The following PLOD3 variants were observed in gnomAD, a reference collection of about 807,000 sequenced individuals.
PLOD3 encodes multifunctional procollagen lysine hydroxylase and glycosyltransferase LH3.
Under a neutral mutation model 96.9 loss-of-function variants are expected in PLOD3, and 73 were observed. That is an observed-to-expected ratio of 0.75 (90% CI 0.62 to 0.92). The LOEUF is 0.92. Ranked by LOEUF, PLOD3 falls within the 40% of genes least tolerant of loss-of-function variation. The probability of loss-of-function intolerance (pLI) is 0.00; values close to 1 mark genes in which losing one functional copy is unlikely to be tolerated. For missense variants in PLOD3, 1,004 were observed against 1,004.3 expected (o/e 1.00, Z 0.00); for synonymous variants, 454 against 413.7 (o/e 1.10, Z -1.18).
intron 10 of PLOD3, 94 bp downstream of exon 10, chr7:101,212,159 G>T: frequency 2.0e-6 from 3 of 1,509,850 alleles, no homozygotes; most frequent in Non-Finnish European, 2.7e-6. Context: ...GGGCTGGATG[G>T]GTGACAGGTG....
intron 6 of PLOD3, chr7:101,213,554 T>C (rs1350152476): frequency 3.4e-6 from 1 of 291,252 alleles, no homozygotes; most frequent in Middle Eastern, 1.3e-3. Context: ...TCTCACTCTG[T>C]CACCCAGGCT....
intron 16 of PLOD3, among the ~76,000 whole-genome samples, chr7:101,208,306 T>G (rs75536795): frequency 0.014 from 2,121 of 151,968 alleles, 38 homozygotes; most frequent in East Asian, 0.087. Context: ...CAGCCTGGAG[T>G]TCAATCTTGG....
In PLOD3 at chr7:101,206,185, G is replaced by A; in HGVS notation, c.*96C>T. ...ACGCGGAACATGAACTCAGGAAGTGGGGAGACAGAGAGACCCATCCCCCAA... is the reference window on the plus strand; with the variant it reads ...ACGCGGAACATGAACTCAGGAAGTGAGGAGACAGAGAGACCCATCCCCCAA... On this transcript the variant is annotated 3_prime_UTR_variant, in exon 19 of 19. Transcript: ENST00000223127. 6 of 1,210,598 alleles carry A rather than the reference G, an allele frequency of 5.0e-6. No homozygotes were observed. The Admixed American group carries it at 8.4e-5, about 17-fold the overall frequency. 75.0% of individuals were successfully genotyped at this position (1,210,598 alleles called of 1,614,324 possible).
Position 101,212,349 on chromosome 7 carries a change from G to T in PLOD3, c.1031C>A (p.Ala344Asp). The T allele has an allele frequency of 6.2e-7, 1 of 1,613,860 alleles. No homozygotes were observed. The highest frequency in any genetic ancestry group is 1.1e-5 in the South Asian group (1 of 91,078). Residue 344 changes from alanine to aspartate, a missense_variant, in exon 10 of 19, where the codon GCT becomes GAT. Coordinates refer to ENST00000223127, the MANE Select transcript of PLOD3 (RefSeq NM_001084.5). ...NNEVFHEPHI[A>D]DSWPQLQDHF... Reference sequence around the variant, plus strand: ...GTCCTGGAGCTGCGGCCAGGAGTCAGCGATGTGGGGTTCATGGAAGACCTC... The same window carrying T: ...GTCCTGGAGCTGCGGCCAGGAGTCATCGATGTGGGGTTCATGGAAGACCTC...
At chr7:101,209,973 G>T in intron 15 of PLOD3, 120 bp downstream of exon 15, 2 of 620,534 alleles carry the variant, frequency 3.2e-6, no homozygotes, top group Non-Finnish European at 5.8e-6. Context: ...CATCTTGTCT[G>T]AACAGAAAAC....
chr7:101,206,716 C>T (rs970856668), intron 18 of PLOD3, 63 bp downstream of exon 18: 1 of 1,537,276 alleles, frequency 6.5e-7, no homozygotes, highest in Admixed American at 1.9e-5. Flanking sequence ...CACGCAGGGG[C>T]TCTAGGTGGG....
Position 101,212,675 on chromosome 7 carries a change from G to A in PLOD3, c.880-20C>T. On this transcript the variant is annotated intron_variant, in intron 8 of 18. Coordinates refer to ENST00000223127, the MANE Select transcript of PLOD3 (RefSeq NM_001084.5). Reference sequence around the variant, plus strand: ...GGGAGGCTGGAAGATGCAACACGCAGGGACTCAGAGAGAAGCCCGGACTTC... The same window carrying A: ...GGGAGGCTGGAAGATGCAACACGCAAGGACTCAGAGAGAAGCCCGGACTTC... 6.2e-7 allele frequency: 1 copy of A among 1,613,216 alleles called. No homozygotes were observed. The highest frequency in any genetic ancestry group is 8.5e-7 in the Non-Finnish European group (1 of 1,179,906).
In PLOD3 at chr7:101,210,103, ATT is replaced by A; in HGVS notation, c.1671_1672del (p.Ile558ArgfsTer20). ...GCTGCGTGGGCTCACCTGCTCCACG[ATT>A]CCTTCCCCTTCCAGGGCCCGGCTGT... On this transcript the variant is annotated frameshift_variant, in exon 15 of 19. Transcript: ENST00000223127. LOFTEE classifies it high-confidence loss of function. The A allele has an allele frequency of 6.3e-7, 1 of 1,598,764 alleles. No homozygotes were observed. The highest frequency in any genetic ancestry group is 8.5e-7 in the Non-Finnish European group (1 of 1,172,832).
chr7:101,217,424 A>G lies in PLOD3; in HGVS notation c.-150T>C. The G allele has an allele frequency of 1.5e-6, 1 of 687,112 alleles. No homozygotes were observed. The allele number at this position is 687,112 out of a possible 1,614,324, so 42.6% of individuals were successfully genotyped here. ...AGCTTGGCTGGGGCTACGCCCTGAA[A>G]AAAAGGCGTATCCGGAGGCTACAGA... On this transcript the variant is annotated 5_prime_UTR_variant, in exon 1 of 19. Transcript: ENST00000223127.
rs1798076810 is a variant in PLOD3, at chr7:101,206,100, C to T, written c.*181G>A. ...TGTGGGCGGAGGAGAGAGGCGGGGA[C>T]TCCGGGAGCTTCCTGAGAGGGCCGT... On this transcript the variant is annotated 3_prime_UTR_variant, in exon 19 of 19. Transcript: ENST00000223127. 2 of 712,174 alleles carry T rather than the reference C, an allele frequency of 2.8e-6. No homozygotes were observed. Among genetic ancestry groups the T allele is most frequent in the East Asian group, 2.6e-5 (1 of 38,184 alleles). 44.1% of individuals were successfully genotyped at this position (712,174 alleles called of 1,614,324 possible).
At position 101,216,218 on chromosome 7, in the gene PLOD3, C is replaced by T. The variant is rs891318543; in HGVS notation, c.447G>A (p.Gly149=). The T allele has an allele frequency of 4.3e-6, 7 of 1,613,916 alleles. No individual in the cohort carries two copies. In the African/African-American group the frequency reaches 8.0e-5, roughly 18 times the overall value. Residue 149 remains glycine, a synonymous_variant, in exon 4 of 19, where the codon GGG becomes GGA. Transcript: ENST00000223127. ...SAESFCWPEW[G]LAEQYPEVGT... is the part of the protein sequence containing the mutation. ...CCACCTCAGGGTACTGCTCCGCCAGCCCCCACTCGGGCCAGCAGAAGCTCT... is the reference window on the plus strand; with the variant it reads ...CCACCTCAGGGTACTGCTCCGCCAGTCCCCACTCGGGCCAGCAGAAGCTCT...
chr7:101,217,330 G>GGA lies in PLOD3; in HGVS notation c.-58_-57dup. The GGA allele has an allele frequency of 7.4e-7, 1 of 1,349,908 alleles. No individual in the cohort carries two copies. Among genetic ancestry groups the GGA allele is most frequent in the Non-Finnish European group, 9.5e-7 (1 of 1,050,254 alleles). 83.6% of individuals were successfully genotyped at this position (1,349,908 alleles called of 1,614,324 possible). A position where few individuals can be genotyped will look rare whatever the true frequency, so the allele number is the denominator to read the frequency against. ...ATCCTGGGATCTCCGCTACGCGCCT[G>GGA]GATCCCAGCTCCGGAGGGGAGCTCT... On this transcript the variant is annotated 5_prime_UTR_variant, in exon 1 of 19. Coordinates refer to ENST00000223127, the MANE Select transcript of PLOD3 (RefSeq NM_001084.5).
chr7:101,210,376 C>T lies in PLOD3; in HGVS notation c.1569G>A (p.Thr523=), dbSNP rs767944119. 6.4e-5 allele frequency: 103 copies of T among 1,614,054 alleles called. No individual in the cohort carries two copies. The highest frequency in any genetic ancestry group is 8.3e-5 in the Non-Finnish European group (98 of 1,180,030). ...GCCAGAGGTCGGGGTGCAGGTGCTC[C>T]GTGTCGTATCTGGAAGTGGCCAGGA... The part of the protein sequence containing the change: ...GRLLATSRYD[T]EHLHPDLWQI... Residue 523 remains threonine (T), a synonymous_variant, in exon 14 of 19, where the codon ACG becomes ACA. Transcript: ENST00000223127.
intron 16 of PLOD3, 87 bp from the exon 17 acceptor site, chr7:101,207,811 C>T: frequency 1.4e-6 from 2 of 1,408,330 alleles, no homozygotes; most frequent in South Asian, 1.2e-5. Flanking sequence ...CTCCCGTCCT[C>T]CAGCCTTCAC....
rs1798269773 is a variant in PLOD3 at position 101,216,226 on chromosome 7, C to T, written c.439G>A (p.Glu147Lys). ...GGGTACTGCTCCGCCAGCCCCCACT[C>T]GGGCCAGCAGAAGCTCTCTGCAGAG... ...LFSAESFCWP[E>K]WGLAEQYPEV... The change falls in exon 4 of 19, where the codon GAG becomes AAG. Residue 147 changes from glutamate (E) to lysine (K), a missense_variant. By Grantham distance (56) the Glu-to-Lys change is moderately conservative. This residue lies in a region of PLOD3 where 690 missense variants were observed against 650.2 expected (regional missense o/e 1.06). Coordinates refer to ENST00000223127, the MANE Select transcript of PLOD3 (RefSeq NM_001084.5). 1.9e-6 allele frequency: 3 copies of T among 1,613,902 alleles called. No homozygotes were observed. The highest frequency in any genetic ancestry group is 2.2e-5 in the East Asian group (1 of 44,876).
chr7:101,211,745 C>A, intron 11 of PLOD3, 29 bp from the exon 12 acceptor site: 6 of 1,596,168 alleles, frequency 3.8e-6, no homozygotes, highest in Non-Finnish European at 5.1e-6. Context: ...GAGGGCTGGG[C>A]AGACGGGAGC....
chr7:101,216,956 C>T lies in PLOD3; in HGVS notation c.110-170G>A, dbSNP rs573679687. 5.7e-5 allele frequency: 43 copies of T among 748,140 alleles called. No individual in the cohort carries two copies. The African/African-American group carries it at 6.7e-4, about 12-fold the overall frequency. 46.3% of individuals were successfully genotyped at this position (748,140 alleles called of 1,614,324 possible). On this transcript the variant is annotated intron_variant, in intron 1 of 18. Coordinates refer to ENST00000223127, the MANE Select transcript of PLOD3 (RefSeq NM_001084.5). ...AGGAGGGCAGGGTGGGAGTGGTGCC[C>T]AGGAATTCCGAGTCCCTTTGCATAG...
chr7:101,212,020 C>T, intron 10 of PLOD3, 70 bp from the exon 11 acceptor site: 4 of 1,137,184 alleles, frequency 3.5e-6, no homozygotes, highest in Non-Finnish European at 3.9e-6. Flanking sequence ...CTGGCCCATG[C>T]CCCCAGGAGA....
chr7:101,217,235 G>A lies in PLOD3; in HGVS notation c.40C>T (p.Leu14=), dbSNP rs1258610678. 23 of 1,498,792 alleles carry A rather than the reference G, an allele frequency of 1.5e-5. No homozygotes were observed. Among genetic ancestry groups the A allele is most frequent in the African/African-American group, 2.9e-5 (2 of 69,732 alleles). 92.8% of individuals were successfully genotyped at this position (1,498,792 alleles called of 1,614,324 possible). A position where few individuals can be genotyped will look rare whatever the true frequency, so the allele number is the denominator to read the frequency against. Residue 14 remains leucine (L), a synonymous_variant, in exon 1 of 19, where the codon CTG becomes TTG. Coordinates refer to ENST00000223127, the MANE Select transcript of PLOD3 (RefSeq NM_001084.5). ...SGPGPRFLLL[L]PLLLPPAASA... ...GCCGCAGGGGGCAGCAGCAGCGGCA[G>A]CAGCAGCAGGAACCGGGGTCCAGGC...
Sources: gnomAD v4.1 joint callset for allele counts (sites outside exome capture counted in the v4.1 genomes callset) on GRCh38, gnomAD v4.1.1 for gene constraint, gnomAD v4.1.1 regional missense constraint, MANE v1.5 for transcripts, NCBI Gene and HGNC (gene_info 2026-07-23, HGNC 2026-07-21) for gene names.